The following CSMD1 variants were observed in gnomAD, a reference collection of about 807,000 sequenced individuals.
CSMD1 encodes CUB and Sushi multiple domains 1, also known as CUB and sushi domain-containing protein 1.
A neutral mutation model predicts 417.5 loss-of-function variants in CSMD1; 213 were observed. The ratio of observed to expected loss-of-function variants is 0.51; its 90% confidence interval spans 0.46 to 0.57. The LOEUF is 0.57. Ranked by LOEUF, CSMD1 falls within the 20% of genes least tolerant of loss-of-function variation. CSMD1 has a pLI of 0.00. For synonymous variants in CSMD1, 2,862 were observed against 1,736.8 expected (o/e 1.65, Z -16.11); for missense variants, 6,923 against 4,529.7 (o/e 1.53, Z -15.17).
chr8:4,606,975 C>T lies in CSMD1; in HGVS notation c.302+30367G>A, dbSNP rs145916053. Among the ~76,000 whole-genome samples, 208 of 152,206 alleles carry T rather than the reference C, an allele frequency of 1.4e-3. 1 individual carries two copies. Among genetic ancestry groups the T allele is most frequent in the African/African-American group, 4.9e-3 (202 of 41,522 alleles). The stretch of plus-strand genomic sequence containing the variant: ...TTTTCTTTTGGAAATTGCTAAGATG[C>T]AAGTTAAATTTTTTCATGTGGCACC... On this transcript the variant is annotated intron_variant, in intron 2 of 69. Transcript: ENST00000635120.
At chr8:3,718,489 C>G (rs1259147542) in intron 6 of CSMD1, among the ~76,000 whole-genome samples, 4 of 152,198 alleles carry the variant, frequency 2.6e-5, no homozygotes, top group Non-Finnish European at 5.9e-5. Context: ...GACAGAGGTA[C>G]TTACTTACAA....
intron 37 of CSMD1, among the ~76,000 whole-genome samples, chr8:3,170,527 C>T (rs565849614): frequency 1.1e-4 from 17 of 152,184 alleles, no homozygotes; most frequent in Non-Finnish European, 2.4e-4. Flanking sequence ...TTTCTAACAG[C>T]ACCTCTAATG....
At chr8:4,481,423 G>A (rs937679532) in intron 2 of CSMD1, among the ~76,000 whole-genome samples, 1 of 152,170 alleles carries the variant, frequency 6.6e-6, no homozygotes. Context: ...AGTTGAATTG[G>A]CAGTGTTTTA....
intron 3 of CSMD1, among the ~76,000 whole-genome samples, chr8:4,268,440 G>C (rs376733446): frequency 3.9e-5 from 6 of 152,142 alleles, no homozygotes; most frequent in African/African-American, 7.2e-5. Context: ...ATAGCTCACA[G>C]CAAGTCTGAG....
intron 10 of CSMD1, among the ~76,000 whole-genome samples, chr8:3,531,787 T>C (rs892682101): frequency 1.3e-5 from 2 of 152,134 alleles, no homozygotes; most frequent in Admixed American, 6.5e-5. Flanking sequence ...CAAACATAGA[T>C]AAGCAAGCTA....
At chr8:4,068,030 G>A (rs938228463) in intron 3 of CSMD1, among the ~76,000 whole-genome samples, 10 of 152,002 alleles carry the variant, frequency 6.6e-5, no homozygotes, top group African/African-American at 1.2e-4. Context: ...GCAGTGAGCC[G>A]AGATCATGCC....
chr8:3,332,669 G>C (rs1286031853), intron 23 of CSMD1, among the ~76,000 whole-genome samples: 1 of 152,006 alleles, frequency 6.6e-6, no homozygotes, highest in Admixed American at 6.5e-5. Context: ...GTGTGTGGGA[G>C]TGCGTGCATG....
chr8:2,991,814 A>G (rs1410098852), intron 54 of CSMD1, among the ~76,000 whole-genome samples: 2 of 152,218 alleles, frequency 1.3e-5, no homozygotes, highest in African/African-American at 4.8e-5. Flanking sequence ...AGTCATGGAC[A>G]GTCACAGAGG....
chr8:4,604,061 T>G (rs1350427431), intron 2 of CSMD1, among the ~76,000 whole-genome samples: 1 of 152,078 alleles, frequency 6.6e-6, no homozygotes, highest in African/African-American at 2.4e-5. Context: ...GTTGTTAACT[T>G]ACTCATCAAC....
At chr8:3,496,143 G>A (rs547140429) in intron 10 of CSMD1, among the ~76,000 whole-genome samples, 61 of 152,140 alleles carry the variant, frequency 4.0e-4, no homozygotes, top group Non-Finnish European at 7.4e-4. Flanking sequence ...CCCTTTGTAA[G>A]TGAGAACATG....
At chr8:3,158,129 C>A (rs1819649356) in intron 38 of CSMD1, among the ~76,000 whole-genome samples, 163 bp from the exon 39 acceptor site, 1 of 152,106 alleles carries the variant, frequency 6.6e-6, no homozygotes, top group South Asian at 2.1e-4. Context: ...ATTAGTGAGT[C>A]ACATTTTGAA....
chr8:4,589,081 T>G (rs182282845), intron 2 of CSMD1, among the ~76,000 whole-genome samples: 7 of 152,024 alleles, frequency 4.6e-5, no homozygotes, highest in Admixed American at 2.0e-4. Flanking sequence ...AAATAAAAAA[T>G]ATGTTGTCCT....
intron 5 of CSMD1, among the ~76,000 whole-genome samples, chr8:3,948,913 C>G (rs779504875): frequency 2.0e-5 from 3 of 151,838 alleles, no homozygotes; most frequent in Non-Finnish European, 4.4e-5. Context: ...AGAACACTGA[C>G]TGGTACAAAA....
chr8:4,822,537 C>A (rs749612992), intron 1 of CSMD1, among the ~76,000 whole-genome samples: 6 of 151,982 alleles, frequency 3.9e-5, no homozygotes, highest in African/African-American at 7.3e-5. Flanking sequence ...AGTTATCCCA[C>A]CTGTGACTTA....
chr8:3,197,449 T>C (rs75840759), intron 33 of CSMD1, among the ~76,000 whole-genome samples: 1 of 147,168 alleles, frequency 6.8e-6, no homozygotes, highest in Admixed American at 7.0e-5. Flanking sequence ...TTTTCTATAA[T>C]ATAGCTCAAA....
intron 10 of CSMD1, among the ~76,000 whole-genome samples, chr8:3,514,751 G>A (rs915669031): frequency 1.3e-5 from 2 of 151,848 alleles, no homozygotes; most frequent in Admixed American, 1.3e-4. Context: ...AAAAATAATT[G>A]CCTTCATAAT....
intron 3 of CSMD1, among the ~76,000 whole-genome samples, chr8:4,171,169 T>C (rs1797743795): frequency 2.0e-5 from 3 of 151,876 alleles, no homozygotes; most frequent in East Asian, 3.9e-4. Context: ...GTTAGTTTCC[T>C]CTGGATCAAA....
In CSMD1 at chr8:4,907,361, C is replaced by G. The variant is rs555717738; in HGVS notation, c.85+86971G>C. On this transcript the variant is annotated intron_variant, in intron 1 of 69. Transcript: ENST00000635120. ...GACAAAACGGCAAAAAGCTTGGGCT[C>G]CTAAATGAGAAGGTCCCTTGTTAAA... 2.6e-5 allele frequency among the ~76,000 whole-genome samples: 4 copies of G among 152,274 alleles called. No homozygotes were observed. In the South Asian group the frequency reaches 6.2e-4, roughly 24 times the overall value.
chr8:4,308,026 A>G (rs1356853153), intron 3 of CSMD1, among the ~76,000 whole-genome samples: 3 of 152,218 alleles, frequency 2.0e-5, no homozygotes, highest in African/African-American at 7.2e-5. Flanking sequence ...GGCATACTAC[A>G]GAGCAACGCC....
Sources: gnomAD v4.1 joint callset for allele counts (sites outside exome capture counted in the v4.1 genomes callset) on GRCh38, gnomAD v4.1.1 for gene constraint, MANE v1.5 for transcripts, NCBI Gene and HGNC (gene_info 2026-07-23, HGNC 2026-07-21) for gene names.